Variants in GALNTL6 observed in about 807,000 individuals in gnomAD.
GALNTL6 encodes polypeptide N-acetylgalactosaminyltransferase like 6.
A neutral mutation model predicts 73.7 loss-of-function variants in GALNTL6; 46 were observed. That is an observed-to-expected ratio of 0.62 (90% CI 0.49 to 0.80). The LOEUF is 0.80. Among genes scored for constraint, GALNTL6 ranks in the 30% least tolerant of loss-of-function variants. The pLI, the probability that GALNTL6 is intolerant of heterozygous loss-of-function variation, is 0.00. For missense variants in GALNTL6, 604 were observed against 755.0 expected, an observed-to-expected ratio of 0.80 and a Z score of 2.34; for synonymous variants, 259 against 263.7, an observed-to-expected ratio of 0.98 and a Z score of 0.17.
intron 5 of GALNTL6, among the ~76,000 whole-genome samples, chr4:172,796,340 A>G (rs555517891): frequency 1.1e-4 from 16 of 152,254 alleles, no homozygotes; most frequent in African/African-American, 3.4e-4. Flanking sequence ...GTCTTAGGCA[A>G]ATTTCTTAAA....
intron 2 of GALNTL6, among the ~76,000 whole-genome samples, chr4:171,994,776 G>T (rs187183330): frequency 1.1e-3 from 166 of 151,762 alleles, no homozygotes; most frequent in African/African-American, 3.8e-3. Flanking sequence ...TAGTTTATTC[G>T]TACTCCCAGA....
At chr4:171,849,066 A>G (rs1735451210) in intron 2 of GALNTL6, among the ~76,000 whole-genome samples, 1 of 152,142 alleles carries the variant, frequency 6.6e-6, no homozygotes, top group Non-Finnish European at 1.5e-5. Flanking sequence ...CTTTGCATTC[A>G]CAACTTGGCC....
At chr4:171,988,219 T>C (rs1740174816) in intron 2 of GALNTL6, among the ~76,000 whole-genome samples, 1 of 152,134 alleles carries the variant, frequency 6.6e-6, no homozygotes, top group Non-Finnish European at 1.5e-5. Context: ...CTGACCGCAC[T>C]AAGCATGCCT....
chr4:172,281,053 C>T (rs1258302349), intron 3 of GALNTL6, among the ~76,000 whole-genome samples: 3 of 151,982 alleles, frequency 2.0e-5, no homozygotes, highest in African/African-American at 7.2e-5. Context: ...CCTGTAGTCC[C>T]TGCTACTTAG....
rs1255757500 is a variant in GALNTL6, at chr4:171,909,263, G to C, written c.138+94545G>C. ...TATTTTGTGCAACCACAGTGATGATGATCATATTTTTAAGACATTTATACA... is the reference window on the plus strand; with the variant it reads ...TATTTTGTGCAACCACAGTGATGATCATCATATTTTTAAGACATTTATACA... On this transcript the variant is annotated intron_variant, in intron 2 of 12. Transcript: ENST00000506823. 3.3e-5 allele frequency among the ~76,000 whole-genome samples: 5 copies of C among 151,816 alleles called. No individual in the cohort carries two copies. The East Asian group carries it at 9.7e-4, about 29-fold the overall frequency.
chr4:172,218,575 A>G (rs1579267904), intron 2 of GALNTL6, among the ~76,000 whole-genome samples: 1 of 152,124 alleles, frequency 6.6e-6, no homozygotes, highest in South Asian at 2.1e-4. Flanking sequence ...CTAGATTTTC[A>G]TATCTTTCTA....
chr4:172,220,525 C>T (rs924773667), intron 2 of GALNTL6, among the ~76,000 whole-genome samples: 5 of 151,718 alleles, frequency 3.3e-5, no homozygotes, highest in Non-Finnish European at 7.4e-5. Context: ...ATCTGACTTA[C>T]CAATCATCCA....
intron 2 of GALNTL6, among the ~76,000 whole-genome samples, chr4:171,933,129 T>C (rs970461430): frequency 6.6e-6 from 1 of 152,184 alleles, no homozygotes; most frequent in African/African-American, 2.4e-5. Flanking sequence ...GGTGGAAAAT[T>C]GCGTATGTAC....
intron 5 of GALNTL6, among the ~76,000 whole-genome samples, chr4:172,803,344 T>C (rs981392388): frequency 6.6e-6 from 1 of 152,158 alleles, no homozygotes; most frequent in African/African-American, 2.4e-5. Context: ...GGAGCCAAAC[T>C]CTATTGTGAA....
intron 5 of GALNTL6, among the ~76,000 whole-genome samples, chr4:172,520,740 A>C (rs961678561): frequency 4.6e-5 from 7 of 152,010 alleles, no homozygotes; most frequent in African/African-American, 1.7e-4. Flanking sequence ...TGAGATTCTT[A>C]TCTGAAAACT....
intron 2 of GALNTL6, among the ~76,000 whole-genome samples, chr4:172,004,382 T>C (rs1740764636): frequency 6.6e-6 from 1 of 152,068 alleles, no homozygotes; most frequent in East Asian, 1.9e-4. Flanking sequence ...TGATACAGGG[T>C]TGGAATTTTG....
intron 2 of GALNTL6, among the ~76,000 whole-genome samples, chr4:171,871,344 G>C (rs1367012041): frequency 6.6e-6 from 1 of 152,144 alleles, no homozygotes; most frequent in East Asian, 1.9e-4. Flanking sequence ...TAAAAGTTAT[G>C]TGAATGTGAT....
intron 2 of GALNTL6, among the ~76,000 whole-genome samples, chr4:172,177,830 C>CATGTGTATATATAT (rs1735091248): frequency 1.2e-4 from 9 of 74,222 alleles, no homozygotes; most frequent in Non-Finnish European, 1.6e-4. Flanking sequence ...TATATATACA[C>CATGTGTATATATAT]ACACATATAT....
chr4:172,888,456 T>C (rs1745846141), intron 8 of GALNTL6, among the ~76,000 whole-genome samples: 1 of 152,198 alleles, frequency 6.6e-6, no homozygotes, highest in Non-Finnish European at 1.5e-5. Flanking sequence ...CCTTTTCCTA[T>C]TGCTTATTTT....
intron 5 of GALNTL6, among the ~76,000 whole-genome samples, chr4:172,403,304 A>G (rs554351177): frequency 3.3e-5 from 5 of 152,200 alleles, no homozygotes; most frequent in Admixed American, 2.0e-4. Flanking sequence ...GCAAAGAGTT[A>G]TATAACCCAT....
chr4:172,718,466 TA>T (rs112535848), intron 5 of GALNTL6, among the ~76,000 whole-genome samples: 142 of 148,874 alleles, frequency 9.5e-4, no homozygotes, highest in African/African-American at 3.2e-3. Flanking sequence ...ACCCTGTCTC[TA>T]AAAAAAAAAT....
chr4:171,842,749 C>G (rs952003536), intron 2 of GALNTL6, among the ~76,000 whole-genome samples: 1 of 152,034 alleles, frequency 6.6e-6, no homozygotes, highest in Non-Finnish European at 1.5e-5. Flanking sequence ...TATAAGGAAT[C>G]CACCCCCATG....
At chr4:172,464,722 A>T (rs1186144751) in intron 5 of GALNTL6, among the ~76,000 whole-genome samples, 1 of 151,790 alleles carries the variant, frequency 6.6e-6, no homozygotes, top group Non-Finnish European at 1.5e-5. Context: ...AATAATAATA[A>T]TAATAATAAT....
intron 4 of GALNTL6, among the ~76,000 whole-genome samples, chr4:172,320,883 C>A (rs1212806681): frequency 6.6e-6 from 1 of 152,096 alleles, no homozygotes; most frequent in East Asian, 1.9e-4. Context: ...GGAGACTTAA[C>A]CATGTAATGA....
Sources: allele counts gnomAD v4.1 joint callset (sites outside exome capture counted in the v4.1 genomes callset), GRCh38; gene constraint gnomAD v4.1.1; transcripts MANE v1.5; gene names NCBI Gene and HGNC (gene_info 2026-07-23, HGNC 2026-07-21).